The following RAPGEF6 variants were observed in gnomAD, a reference collection of about 807,000 sequenced individuals.
RAPGEF6 encodes the protein PDZ domain containing guanine nucleotide exchange factor (GEF) 2.
In RAPGEF6, 56 loss-of-function variants were observed where a neutral mutation model predicts 171.4. The observed-to-expected ratio is 0.33, with a 90% CI of 0.26 to 0.41. RAPGEF6 has a LOEUF of 0.41. Among genes scored for constraint, RAPGEF6 ranks in the 10% least tolerant of loss-of-function variants. RAPGEF6 has a pLI of 1.00. For missense variants in RAPGEF6, 1,674 were observed against 1,921.4 expected (o/e 0.87, Z 2.41); for synonymous variants, 692 against 650.1 (o/e 1.06, Z -0.98).
chr5:131,457,194 TG>T (rs2149829362), intron 19 of RAPGEF6, among the ~76,000 whole-genome samples: 1 of 152,330 alleles, frequency 6.6e-6, no homozygotes, highest in Non-Finnish European at 1.5e-5. Flanking sequence ...CCTGAGTAGC[TG>T]GGATTACAGG....
intron 23 of RAPGEF6, among the ~76,000 whole-genome samples, chr5:131,441,866 T>C (rs952335485): frequency 2.0e-5 from 3 of 152,164 alleles, no homozygotes; most frequent in African/African-American, 4.8e-5. Flanking sequence ...AAAAGTAATA[T>C]GAATAATGAC....
At chr5:131,510,632 A>C (rs1015985747) in intron 7 of RAPGEF6, 141 bp from the exon 8 acceptor site, 4 of 696,658 alleles carry the variant, frequency 5.7e-6, no homozygotes, top group Non-Finnish European at 9.0e-6. Context: ...ATACAATAAA[A>C]TGATACTTAT....
chr5:131,534,380 A>C (rs1381294698), intron 6 of RAPGEF6, among the ~76,000 whole-genome samples: 1 of 152,156 alleles, frequency 6.6e-6, no homozygotes, highest in African/African-American at 2.4e-5. Flanking sequence ...AACTAAGTAT[A>C]ATTTTGAACA....
rs139483602 is a variant in RAPGEF6 at position 131,461,790 on chromosome 5, G to A, written c.2779C>T (p.Arg927Ter). ...ATAAAATGCTTAATAATCTTCATTCGTTTGAGCTGATTTGCTTCAGTTAAA... is the reference window on the plus strand; with the variant it reads ...ATAAAATGCTTAATAATCTTCATTCATTTGAGCTGATTTGCTTCAGTTAAA... ...EILTEANQLKRMKIIKHFIKI... is the reference protein window; with the variant it reads ...EILTEANQLK The change falls in exon 19 of 28, where the codon CGA (arginine) becomes TGA (stop). Residue 927 changes from arginine (R) to a stop codon, truncating the protein, a stop_gained. Transcript: ENST00000509018. LOFTEE classifies it high-confidence loss of function. The A allele has an allele frequency of 1.2e-6, 2 of 1,613,466 alleles. No individual in the cohort carries two copies. Among genetic ancestry groups the A allele is most frequent in the Non-Finnish European group, 1.7e-6 (2 of 1,179,490 alleles).
intron 4 of RAPGEF6, among the ~76,000 whole-genome samples, chr5:131,578,653 C>G (rs541552832): frequency 6.6e-6 from 1 of 152,322 alleles, no homozygotes; most frequent in South Asian, 2.1e-4. Context: ...CAACAGCTTA[C>G]TGGAATCCCT....
chr5:131,439,951 G>T, intron 23 of RAPGEF6: 1 of 644,234 alleles, frequency 1.6e-6, no homozygotes. Flanking sequence ...TAGTTTGTCT[G>T]CACTTTGTGG....
At chr5:131,576,275 T>C (rs1762600669) in intron 4 of RAPGEF6, among the ~76,000 whole-genome samples, 2 of 152,210 alleles carry the variant, frequency 1.3e-5, no homozygotes, top group South Asian at 4.1e-4. Context: ...GGCTATGCTG[T>C]AGTGTCTTCC....
chr5:131,540,555 C>A (rs898833695), intron 6 of RAPGEF6, among the ~76,000 whole-genome samples: 2 of 152,102 alleles, frequency 1.3e-5, no homozygotes, highest in Non-Finnish European at 2.9e-5. Context: ...CAGAGCGAGA[C>A]CCTGTCTCAA....
intron 1 of RAPGEF6, among the ~76,000 whole-genome samples, chr5:131,625,685 G>A (rs1452446296): frequency 1.3e-5 from 2 of 151,828 alleles, no homozygotes; most frequent in African/African-American, 4.8e-5. Flanking sequence ...GCATGGTGGC[G>A]AGCGGCAGTA....
intron 11 of RAPGEF6, among the ~76,000 whole-genome samples, chr5:131,500,399 T>C (rs1580924889): frequency 6.6e-6 from 1 of 152,298 alleles, no homozygotes; most frequent in South Asian, 2.1e-4. Flanking sequence ...TTCCATTTCC[T>C]AGAATAGCTG....
chr5:131,498,548 A>C lies in RAPGEF6; in HGVS notation c.1314T>G (p.Thr438=). ...LIEEHSIVDP[T]YIEDFLLTYR... ...AAGTTAATAGAAAATCTTCTATATA[A>C]GTTGGATCCACGATGGAATGTTCTT... The change falls in exon 12 of 28, where the codon ACT becomes ACG. Residue 438 remains threonine (T), a synonymous_variant. Coordinates refer to ENST00000509018, the MANE Select transcript of RAPGEF6 (RefSeq NM_016340.6). The C allele has an allele frequency of 6.2e-7, 1 of 1,613,688 alleles. No individual in the cohort carries two copies. Among genetic ancestry groups the C allele is most frequent in the Non-Finnish European group, 8.5e-7 (1 of 1,179,714 alleles).
At chr5:131,609,933 C>A (rs1764839573) in intron 1 of RAPGEF6, among the ~76,000 whole-genome samples, 1 of 152,220 alleles carries the variant, frequency 6.6e-6, no homozygotes, top group African/African-American at 2.4e-5. Flanking sequence ...TCAAAGCAAA[C>A]ACAGGAGTAT....
intron 1 of RAPGEF6, among the ~76,000 whole-genome samples, chr5:131,625,552 A>T (rs1192422551): frequency 6.6e-6 from 1 of 152,030 alleles, no homozygotes; most frequent in East Asian, 1.9e-4. Context: ...ACGGTGGCTC[A>T]CACCTGTAAT....
At chr5:131,438,079 C>T (rs1350563158) in intron 24 of RAPGEF6, among the ~76,000 whole-genome samples, 1 of 150,856 alleles carries the variant, frequency 6.6e-6, no homozygotes. Context: ...ACCTCCGCCT[C>T]CTTGGTTCAA....
chr5:131,495,452 T>G, intron 13 of RAPGEF6, 101 bp downstream of exon 13: 1 of 853,596 alleles, frequency 1.2e-6, no homozygotes, highest in Non-Finnish European at 1.8e-6. Flanking sequence ...GAATGGACAT[T>G]TAAGACACAG....
intron 17 of RAPGEF6, among the ~76,000 whole-genome samples, chr5:131,467,362 T>C (rs1754431884): frequency 6.6e-6 from 1 of 152,222 alleles, no homozygotes; most frequent in South Asian, 2.1e-4. Context: ...GGGTATCCCT[T>C]AATCCAAACT....
At position 131,480,928 on chromosome 5, in the gene RAPGEF6, C is replaced by CTT. The variant is rs34370165; in HGVS notation, c.1841-1177_1841-1176dup. ...ACAACCAATCATATCTTAGATACTG[C>CTT]TTTTTTTTTTTTTTAATTTTGAGAC... On this transcript the variant is annotated intron_variant, in intron 15 of 27. Transcript: ENST00000509018. 6.2e-3 allele frequency among the ~76,000 whole-genome samples: 878 copies of CTT among 142,282 alleles called. 7 individuals carry two copies. Among genetic ancestry groups the CTT allele is most frequent in the South Asian group, 0.034 (149 of 4,442 alleles). 93.3% of individuals were successfully genotyped at this position (142,282 alleles called of 152,430 possible).
chr5:131,528,124 ATATAT>A (rs917933343), intron 6 of RAPGEF6, among the ~76,000 whole-genome samples: 14 of 117,086 alleles, frequency 1.2e-4, no homozygotes, highest in Non-Finnish European at 2.3e-4. Context: ...CATATAAAAT[ATATAT>A]TATATAATAT....
Position 131,510,361 on chromosome 5 carries a change from C to T in RAPGEF6, c.758G>A (p.Arg253Gln), listed in dbSNP as rs763898806. 4.1e-5 allele frequency: 66 copies of T among 1,613,842 alleles called. No homozygotes were observed. Among genetic ancestry groups the T allele is most frequent in the African/African-American group, 6.7e-5 (5 of 74,902 alleles). ...TDPLQGRDLV[R>Q]ECLEKEPADK... Reference sequence around the variant, plus strand: ...TGCAGGTTCTTTTTCAAGACATTCTCGAACAAGATCTCGCCCCTGCAATGG... The same window carrying T: ...TGCAGGTTCTTTTTCAAGACATTCTTGAACAAGATCTCGCCCCTGCAATGG... Residue 253 changes from arginine to glutamine, a missense_variant, in exon 8 of 28, where the codon CGA becomes CAA. Arg to Gln is a conservative substitution (Grantham distance 43, BLOSUM62 1). Around this residue, in one of 3 missense-constraint regions of RAPGEF6, gnomAD observed 1,116 missense variants for 1,321.5 expected, o/e 0.84. Transcript: ENST00000509018.
Sources: allele counts gnomAD v4.1 joint callset (sites outside exome capture counted in the v4.1 genomes callset), GRCh38; gene constraint gnomAD v4.1.1; regional missense constraint gnomAD v4.1.1; transcripts MANE v1.5; gene names NCBI Gene and HGNC (gene_info 2026-07-23, HGNC 2026-07-21).